Variants in TCEANC2 observed in about 807,000 individuals in gnomAD.
TCEANC2 encodes transcription elongation factor A N-terminal and central domain containing 2.
Under a neutral mutation model 22.8 loss-of-function variants are expected in TCEANC2, and 20 were observed. That is an observed-to-expected ratio of 0.88 (90% CI 0.62 to 1.28). The LOEUF is 1.28. Ranked by LOEUF, TCEANC2 falls within the 50% of genes most tolerant of loss-of-function variation. The pLI is 0.00. For missense variants in TCEANC2, 251 were observed against 249.7 expected (o/e 1.01, Z -0.03); for synonymous variants, 84 against 95.5 (o/e 0.88, Z 0.70).
At chr1:54,054,179 CAG>C in intron 1 of TCEANC2, 200 bp from the exon 2 acceptor site, 1 of 1,317,108 alleles carries the variant, frequency 7.6e-7, no homozygotes, top group Non-Finnish European at 1.0e-6. Context: ...CCTCCTAACT[CAG>C]GACGTAGACT....
intron 3 of TCEANC2, among the ~76,000 whole-genome samples, chr1:54,078,681 T>C (rs1227606458): frequency 6.6e-6 from 1 of 152,198 alleles, no homozygotes; most frequent in East Asian, 1.9e-4. Flanking sequence ...GAAATACTTA[T>C]TTGGAAGTCA....
downstream of TCEANC2, among the ~76,000 whole-genome samples, chr1:54,110,168 C>G (rs1557698780): frequency 6.6e-6 from 1 of 152,238 alleles, no homozygotes; most frequent in Admixed American, 6.5e-5. Context: ...CCTTAATCTT[C>G]TCTCCATCAC....
intron 2 of TCEANC2, among the ~76,000 whole-genome samples, chr1:54,055,699 T>TACTTGA (rs1345958607): frequency 6.6e-6 from 1 of 152,196 alleles, no homozygotes; most frequent in African/African-American, 2.4e-5. Flanking sequence ...GCATTCTGAG[T>TACTTGA]ACTTGACATA....
chr1:54,096,906 T>C lies in TCEANC2; in HGVS notation c.*433T>C, dbSNP rs1169202298. ...TTCCATCCCCCTGAGTTTAGATAGC[T>C]CTGGTGCCTCTCAGAACTCCCCTGT... On this transcript the variant is annotated 3_prime_UTR_variant, in exon 5 of 5. Coordinates refer to ENST00000234827, the MANE Select transcript of TCEANC2 (RefSeq NM_153035.3). The surrounding 1 kb of genome is among the most constrained non-coding windows in gnomAD (Gnocchi z 4.9). The C allele has an allele frequency of 7.1e-6, 7 of 988,470 alleles. No individual in the cohort carries two copies. The highest frequency in any genetic ancestry group is 8.4e-6 in the Non-Finnish European group (7 of 831,602). The allele number at this position is 988,470 out of a possible 1,614,324, so 61.2% of individuals were successfully genotyped here. A position where few individuals can be genotyped will look rare whatever the true frequency, so the allele number is the denominator to read the frequency against.
At chr1:54,110,622 C>CAAAAT (rs1056737056), downstream of TCEANC2, among the ~76,000 whole-genome samples, 11 of 151,878 alleles carry the variant, frequency 7.2e-5, no homozygotes, top group Non-Finnish European at 1.5e-4. Flanking sequence ...CAAAACAAAA[C>CAAAAT]AAAACAAAAA....
chr1:54,104,408 C>T lies in TCEANC2; in HGVS notation c.*7935C>T, dbSNP rs542378595. 1.3e-4 allele frequency: 41 copies of T among 312,358 alleles called. No individual in the cohort carries two copies. Among genetic ancestry groups the T allele is most frequent in the African/African-American group, 8.7e-4 (40 of 46,220 alleles). 19.3% of individuals were successfully genotyped at this position (312,358 alleles called of 1,614,324 possible). A position where few individuals can be genotyped will look rare whatever the true frequency, so the allele number is the denominator to read the frequency against. ...GGAGACTACTAGGCAAGAACAGTCACCATTCTTTGAGGGATAATTAATCCT... is the reference window on the plus strand; with the variant it reads ...GGAGACTACTAGGCAAGAACAGTCATCATTCTTTGAGGGATAATTAATCCT... On this transcript the variant is annotated 3_prime_UTR_variant, in exon 5 of 5. Coordinates refer to ENST00000234827, the MANE Select transcript of TCEANC2 (RefSeq NM_153035.3).
intron 2 of TCEANC2, among the ~76,000 whole-genome samples, chr1:54,060,179 G>A (rs996284915): frequency 7.9e-5 from 12 of 152,024 alleles, no homozygotes; most frequent in Admixed American, 3.3e-4. Context: ...AGGCTGAGGC[G>A]GGTGGATCAT....
chr1:54,060,244 AAAAAT>A (rs1316464562), intron 2 of TCEANC2, among the ~76,000 whole-genome samples: 2 of 152,068 alleles, frequency 1.3e-5, no homozygotes, highest in Non-Finnish European at 2.9e-5. Flanking sequence ...TGTCTCTACT[AAAAAT>A]AAAAAATTAG....
intron 2 of TCEANC2, among the ~76,000 whole-genome samples, chr1:54,060,340 G>A (rs541884733): frequency 1.2e-4 from 18 of 152,080 alleles, no homozygotes; most frequent in Non-Finnish European, 2.4e-4. Context: ...GGGAGGCGGA[G>A]GTTGCAGTGA....
chr1:54,086,676 A>G (rs957861297), intron 3 of TCEANC2, among the ~76,000 whole-genome samples: 2 of 152,314 alleles, frequency 1.3e-5, no homozygotes, highest in Admixed American at 6.5e-5. Flanking sequence ...AAAAGGTAAG[A>G]GTGGATATAG....
intron 4 of TCEANC2, chr1:54,089,760 A>C: frequency 3.0e-6 from 1 of 329,494 alleles, no homozygotes. Flanking sequence ...GACTTGTGAT[A>C]TAGTACTTAC....
Position 54,098,504 on chromosome 1 carries a change from T to A in TCEANC2, c.*2031T>A, listed in dbSNP as rs935979581. 1 of 152,256 alleles carries A rather than the reference T, an allele frequency of 6.6e-6. No individual in the cohort carries two copies. The highest frequency in any genetic ancestry group is 2.4e-5 in the African/African-American group (1 of 41,466). The allele number at this position is 152,256 out of a possible 1,614,324, so 9.4% of individuals were successfully genotyped here. Reference sequence around the variant, plus strand: ...GCACTCCCTCCCAACTATTCTTTAATGCTGTACCTAGCTTTATTTTTCTTC... The same window carrying A: ...GCACTCCCTCCCAACTATTCTTTAAAGCTGTACCTAGCTTTATTTTTCTTC... On this transcript the variant is annotated 3_prime_UTR_variant, in exon 5 of 5. Coordinates refer to ENST00000234827, the MANE Select transcript of TCEANC2 (RefSeq NM_153035.3).
chr1:54,082,332 G>A (rs1658261378), intron 3 of TCEANC2, among the ~76,000 whole-genome samples: 1 of 152,110 alleles, frequency 6.6e-6, no homozygotes. Flanking sequence ...TCATTATTTT[G>A]TTTGCAGTTG....
chr1:54,056,976 A>G lies in TCEANC2; in HGVS notation c.102+2452A>G, dbSNP rs559401360. Among the ~76,000 whole-genome samples the G allele has an allele frequency of 6.0e-4, 91 of 151,696 alleles. 1 individual carries two copies. The highest frequency in any genetic ancestry group is 9.8e-4 in the Admixed American group (15 of 15,246). ...AGGATTGCTTGAACCTGGGAGCTGGAGGTTGCAGTGAGCCAGGATGGTACC... is the reference window on the plus strand; with the variant it reads ...AGGATTGCTTGAACCTGGGAGCTGGGGGTTGCAGTGAGCCAGGATGGTACC... On this transcript the variant is annotated intron_variant, in intron 2 of 4. Transcript: ENST00000234827.
chr1:54,080,196 T>TCC (rs1218977873), intron 3 of TCEANC2, among the ~76,000 whole-genome samples: 1 of 150,034 alleles, frequency 6.7e-6, no homozygotes, highest in Non-Finnish European at 1.5e-5. Context: ...CAGGCTGGAG[T>TCC]CCGGTGGTGC....
chr1:54,089,974 C>T, intron 4 of TCEANC2: 1 of 705,952 alleles, frequency 1.4e-6, no homozygotes, highest in East Asian at 2.8e-5. Context: ...TATGGTAGTG[C>T]TGTATTAGCT....
chr1:54,105,184 A>G lies in TCEANC2; in HGVS notation c.*8711A>G, dbSNP rs942143600. ...ACAAATGTGGGCTGTAGTGGACACC[A>G]TCCTGTGCTGCCCAGACCCCCCAGC... On this transcript the variant is annotated 3_prime_UTR_variant, in exon 5 of 5. Transcript: ENST00000234827. 2 of 152,508 alleles carry G rather than the reference A, an allele frequency of 1.3e-5. No individual in the cohort carries two copies. The highest frequency in any genetic ancestry group is 4.8e-5 in the African/African-American group (2 of 41,444). The allele number at this position is 152,508 out of a possible 1,614,324, so 9.4% of individuals were successfully genotyped here.
intron 2 of TCEANC2, among the ~76,000 whole-genome samples, chr1:54,067,881 G>T (rs911952918): frequency 6.6e-6 from 1 of 152,136 alleles, no homozygotes; most frequent in Non-Finnish European, 1.5e-5. Context: ...TTCAATTCCC[G>T]AACTGTGCCC....
At chr1:54,058,094 A>T (rs1429607240) in intron 2 of TCEANC2, among the ~76,000 whole-genome samples, 1 of 152,238 alleles carries the variant, frequency 6.6e-6, no homozygotes, top group Admixed American at 6.5e-5. Context: ...GGGATTAATA[A>T]TACCTGTTTT....
Sources: gnomAD v4.1 joint callset for allele counts (sites outside exome capture counted in the v4.1 genomes callset) on GRCh38, gnomAD v4.1.1 for gene constraint, Gnocchi (gnomAD v3.1) non-coding constraint, MANE v1.5 for transcripts, NCBI Gene and HGNC (gene_info 2026-07-23, HGNC 2026-07-21) for gene names.